The following PKP4 variants were observed in gnomAD, a reference collection of about 807,000 sequenced individuals.
The protein encoded by PKP4 is plakophilin-4.
In PKP4, 90 loss-of-function variants were observed where a neutral mutation model predicts 145.1. That is an observed-to-expected ratio of 0.62 (90% CI 0.52 to 0.74). The LOEUF (loss-of-function observed/expected upper bound fraction) is 0.74. PKP4 is among the 30% of genes least tolerant of loss of function. The pLI is 0.00. For missense variants in PKP4, 1,340 were observed against 1,482.7 expected, an observed-to-expected ratio of 0.90 and a Z score of 1.58; for synonymous variants, 563 against 577.2, an observed-to-expected ratio of 0.98 and a Z score of 0.35.
At chr2:158,462,063 C>G (rs1365997056) in intron 1 of PKP4, among the ~76,000 whole-genome samples, 1 of 152,060 alleles carries the variant, frequency 6.6e-6, no homozygotes, top group Non-Finnish European at 1.5e-5. Context: ...GGGCCTGGCC[C>G]GAAACTTGGA....
At chr2:158,644,099 G>T (rs1333768940) in intron 11 of PKP4, among the ~76,000 whole-genome samples, 2 of 152,140 alleles carry the variant, frequency 1.3e-5, no homozygotes, top group Admixed American at 1.3e-4. Context: ...ACTTAATTGT[G>T]TCCCACATGC....
chr2:158,631,749 C>T lies in PKP4; in HGVS notation c.1154-4C>T. The T allele has an allele frequency of 1.2e-6, 2 of 1,613,378 alleles. No individual in the cohort carries two copies. Among genetic ancestry groups the T allele is most frequent in the Non-Finnish European group, 1.7e-6 (2 of 1,179,384 alleles). On this transcript the variant is annotated splice_polypyrimidine_tract_variant and splice_region_variant and intron_variant, in intron 7 of 21. Transcript: ENST00000389759. ...TCTTAACGATGTAATTTTTGTGCCT[C>T]TAGGCTTACGGAGTTCCTATGCTAG... is the stretch of plus-strand genomic sequence containing the variant.
chr2:158,617,335 T>A (rs888502646), intron 4 of PKP4, among the ~76,000 whole-genome samples: 3 of 152,088 alleles, frequency 2.0e-5, no homozygotes, highest in African/African-American at 7.2e-5. Flanking sequence ...TTTTTTTTTT[T>A]AAACCAACAC....
chr2:158,574,092 T>C (rs1003562854), intron 2 of PKP4, among the ~76,000 whole-genome samples: 2 of 152,234 alleles, frequency 1.3e-5, no homozygotes, highest in Non-Finnish European at 2.9e-5. Flanking sequence ...AAAGAATATT[T>C]ATCAGTATAC....
chr2:158,641,922 C>T (rs947784811), intron 10 of PKP4, among the ~76,000 whole-genome samples: 1 of 152,112 alleles, frequency 6.6e-6, no homozygotes, highest in Non-Finnish European at 1.5e-5. Flanking sequence ...GACTGTGCTG[C>T]CTGCCGATGG....
At chr2:158,648,958 A>C (rs1291140329) in intron 11 of PKP4, among the ~76,000 whole-genome samples, 1 of 152,252 alleles carries the variant, frequency 6.6e-6, no homozygotes, top group Non-Finnish European at 1.5e-5. Flanking sequence ...ACATCGCGCC[A>C]CTGCACTCCA....
chr2:158,478,589 C>T (rs1190403310), intron 1 of PKP4, among the ~76,000 whole-genome samples: 1 of 152,200 alleles, frequency 6.6e-6, no homozygotes, highest in Admixed American at 6.5e-5. Context: ...CCTAAGTTAT[C>T]AGTGATGGCT....
chr2:158,549,111 TATG>T, intron 2 of PKP4: 1 of 200,376 alleles, frequency 5.0e-6, no homozygotes, highest in Admixed American at 4.6e-5. Context: ...CAATGATAGA[TATG>T]ATGAGATCCG....
chr2:158,550,382 T>C (rs948161691), intron 2 of PKP4, among the ~76,000 whole-genome samples: 2 of 144,128 alleles, frequency 1.4e-5, no homozygotes, highest in Non-Finnish European at 3.2e-5. Context: ...TTAATGAGTT[T>C]TGACAAATGA....
intron 11 of PKP4, among the ~76,000 whole-genome samples, chr2:158,645,754 GT>G (rs1377654628): frequency 3.3e-5 from 5 of 152,162 alleles, no homozygotes; most frequent in African/African-American, 1.2e-4. Context: ...TTCTGTTTGA[GT>G]TTTTTCCTTG....
At chr2:158,664,496 T>A (rs999319534) in intron 15 of PKP4, among the ~76,000 whole-genome samples, 3 of 152,212 alleles carry the variant, frequency 2.0e-5, no homozygotes, top group Non-Finnish European at 4.4e-5. Context: ...GTAGAGTTAC[T>A]ACAATGCTTG....
chr2:158,661,979 A>G (rs1005900539), intron 13 of PKP4, among the ~76,000 whole-genome samples: 2 of 152,112 alleles, frequency 1.3e-5, no homozygotes, highest in African/African-American at 2.4e-5. Context: ...GCCCGAGTAC[A>G]GGGCATTCTG....
At chr2:158,671,087 T>C (rs1398212143) in intron 17 of PKP4, among the ~76,000 whole-genome samples, 1 of 152,140 alleles carries the variant, frequency 6.6e-6, no homozygotes, top group Non-Finnish European at 1.5e-5. Flanking sequence ...GACTCTTCCA[T>C]TGCAGAGATT....
At chr2:158,513,485 A>G (rs1430031327) in intron 1 of PKP4, among the ~76,000 whole-genome samples, 4 of 152,180 alleles carry the variant, frequency 2.6e-5, no homozygotes, top group African/African-American at 9.7e-5. Flanking sequence ...GGGATTTGGC[A>G]CATGAGGGAG....
chr2:158,674,738 A>C (rs193231006), intron 19 of PKP4, among the ~76,000 whole-genome samples: 354 of 152,330 alleles, frequency 2.3e-3, no homozygotes, highest in Admixed American at 4.2e-3. Context: ...AGTCCTATAA[A>C]TCTAATTCTT....
intron 2 of PKP4, among the ~76,000 whole-genome samples, chr2:158,546,535 G>A (rs1040942140): frequency 6.6e-6 from 1 of 152,194 alleles, no homozygotes; most frequent in African/African-American, 2.4e-5. Flanking sequence ...TTTTGGTTGA[G>A]AGAAGTAGCA....
At chr2:158,468,487 A>C (rs923436089) in intron 1 of PKP4, among the ~76,000 whole-genome samples, 5 of 152,080 alleles carry the variant, frequency 3.3e-5, no homozygotes, top group Non-Finnish European at 5.9e-5. Flanking sequence ...GGCACATTTA[A>C]TTTTCTATAA....
In PKP4 at chr2:158,642,644, C is replaced by T. The variant is rs1188617479; in HGVS notation, c.1854C>T (p.Ala618=). The T allele has an allele frequency of 1.9e-6, 3 of 1,612,042 alleles. No individual in the cohort carries two copies. Among genetic ancestry groups the T allele is most frequent in the Non-Finnish European group, 1.7e-6 (2 of 1,178,590 alleles). The change falls in exon 11 of 22, where the codon GCC becomes GCT. Residue 618 remains alanine, a synonymous_variant. Transcript: ENST00000389759. ...IAMKNVGGIP[A]LLRLLRKSID... ...TGAAGAATGTTGGTGGGATACCTGC[C>T]TTGTTGCGACTGTTGAGAAAATCTA...
In PKP4 at chr2:158,666,466, T is replaced by C. The variant is rs879128991; in HGVS notation, c.2631T>C (p.Leu877=). The C allele has an allele frequency of 1.9e-6, 3 of 1,613,024 alleles. No individual in the cohort carries two copies. The highest frequency in any genetic ancestry group is 2.5e-6 in the Non-Finnish European group (3 of 1,179,628). The change falls in exon 16 of 22, where the codon CTT becomes CTC. Residue 877 remains leucine (L), a synonymous_variant. Transcript: ENST00000389759. ...GAAAAGAAAAGGGGCTCCCCATCCT[T>C]GTGGAGCTTCTGAGAATGGATAACG... ...AVRKEKGLPI[L]VELLRMDNDR...
Sources: allele counts gnomAD v4.1 joint callset (sites outside exome capture counted in the v4.1 genomes callset), GRCh38; gene constraint gnomAD v4.1.1; transcripts MANE v1.5; gene names NCBI Gene and HGNC (gene_info 2026-07-23, HGNC 2026-07-21).